The following PHKB variants were observed in gnomAD, a reference collection of about 807,000 sequenced individuals.
PHKB encodes phosphorylase b kinase regulatory subunit beta.
Under a neutral mutation model 152.1 loss-of-function variants are expected in PHKB, and 122 were observed. That is an observed-to-expected ratio of 0.80 (90% CI 0.69 to 0.93). The LOEUF is 0.93. Ranked by LOEUF, PHKB falls within the 40% of genes least tolerant of loss-of-function variation. The pLI is 0.00. For missense variants in PHKB, 1,304 were observed against 1,328.4 expected (o/e 0.98, Z 0.29); for synonymous variants, 436 against 464.9 (o/e 0.94, Z 0.80).
intron 7 of PHKB, among the ~76,000 whole-genome samples, chr16:47,560,061 T>C (rs188245537): frequency 6.6e-6 from 1 of 152,360 alleles, no homozygotes; most frequent in African/African-American, 2.4e-5. Context: ...AGCAGTGATA[T>C]GCTAGGCTGC....
chr16:47,547,091 C>T (rs944389970), intron 6 of PHKB, among the ~76,000 whole-genome samples: 1 of 152,206 alleles, frequency 6.6e-6, no homozygotes, highest in Non-Finnish European at 1.5e-5. Context: ...CCTGCTTCAG[C>T]TCGCCTTCCG....
At chr16:47,534,837 C>T (rs1037343028) in intron 6 of PHKB, among the ~76,000 whole-genome samples, 1 of 152,174 alleles carries the variant, frequency 6.6e-6, no homozygotes, top group Admixed American at 6.5e-5. Flanking sequence ...AAATGCATTA[C>T]TTTTGTCCAT....
chr16:47,604,896 C>G (rs1046721646), intron 13 of PHKB, among the ~76,000 whole-genome samples: 2 of 152,026 alleles, frequency 1.3e-5, no homozygotes, highest in Admixed American at 6.5e-5. Context: ...ATGTAGAAAG[C>G]CATTATCTCT....
chr16:47,563,787 ATTAT>A (rs1237027314), intron 7 of PHKB, among the ~76,000 whole-genome samples: 1 of 152,020 alleles, frequency 6.6e-6, no homozygotes, highest in Non-Finnish European at 1.5e-5. Context: ...TCAGTATGTA[ATTAT>A]TTATCCCTCA....
intron 26 of PHKB, among the ~76,000 whole-genome samples, chr16:47,684,244 G>T (rs1973919754): frequency 6.6e-6 from 1 of 150,974 alleles, no homozygotes; most frequent in Admixed American, 6.6e-5. Flanking sequence ...GAGGTGGGAG[G>T]ATTGCTTGAG....
rs186502047 is a variant in PHKB, at chr16:47,686,218, G to A, written c.2631-2823G>A. On this transcript the variant is annotated intron_variant, in intron 26 of 30. Transcript: ENST00000323584. ...TTAAGGTCTCCAGCTATCTTTGTGC[G>A]TGATACTAGGGATTTTAAAAGATAA... Among the ~76,000 whole-genome samples, 74 of 152,266 alleles carry A rather than the reference G, an allele frequency of 4.9e-4. No individual in the cohort carries two copies. In the East Asian group the frequency reaches 6.6e-3, roughly 13 times the overall value.
chr16:47,585,272 T>G (rs1336131636), intron 8 of PHKB, among the ~76,000 whole-genome samples: 2 of 152,194 alleles, frequency 1.3e-5, no homozygotes, highest in Non-Finnish European at 2.9e-5. Context: ...TGAAGTGACA[T>G]ATACATATAA....
chr16:47,574,911 C>A (rs998935812), intron 7 of PHKB, among the ~76,000 whole-genome samples: 3 of 152,188 alleles, frequency 2.0e-5, no homozygotes, highest in African/African-American at 7.2e-5. Flanking sequence ...CAGCTATATT[C>A]TTTTTATTTC....
intron 13 of PHKB, chr16:47,598,978 G>T (rs1182702605): frequency 1.7e-6 from 2 of 1,210,556 alleles, no homozygotes; most frequent in East Asian, 4.7e-5. Flanking sequence ...CACAAGGCCA[G>T]TGGTCTTCTT....
At chr16:47,640,215 T>C (rs1348870135) in intron 14 of PHKB, among the ~76,000 whole-genome samples, 1 of 152,184 alleles carries the variant, frequency 6.6e-6, no homozygotes, top group Non-Finnish European at 1.5e-5. Flanking sequence ...TGATGATAAA[T>C]CAAATATTTT....
intron 16 of PHKB, among the ~76,000 whole-genome samples, chr16:47,647,162 C>T (rs776687549): frequency 4.6e-5 from 7 of 151,974 alleles, no homozygotes; most frequent in Non-Finnish European, 1.0e-4. Context: ...TCTCTCTTGT[C>T]GCCCAGACTG....
intron 6 of PHKB, among the ~76,000 whole-genome samples, chr16:47,534,445 C>G (rs1970917576): frequency 6.6e-6 from 1 of 152,108 alleles, no homozygotes; most frequent in African/African-American, 2.4e-5. Flanking sequence ...TAGAGACATA[C>G]TAAAATTTCA....
At chr16:47,685,552 G>A (rs1054353258) in intron 26 of PHKB, among the ~76,000 whole-genome samples, 24 of 152,142 alleles carry the variant, frequency 1.6e-4, no homozygotes, top group Admixed American at 6.5e-5. Context: ...CCTACAAATG[G>A]ATAAAATGTC....
chr16:47,600,987 C>A (rs1464853716), intron 13 of PHKB, among the ~76,000 whole-genome samples: 1 of 152,134 alleles, frequency 6.6e-6, no homozygotes, highest in Non-Finnish European at 1.5e-5. Context: ...TGTGCCGCCA[C>A]GCCTGGCTAA....
chr16:47,516,674 G>T (rs767612142), intron 6 of PHKB, among the ~76,000 whole-genome samples: 1 of 152,124 alleles, frequency 6.6e-6, no homozygotes, highest in Admixed American at 6.5e-5. Flanking sequence ...ATAGGTGCAT[G>T]TAGCCCTGCC....
chr16:47,687,831 G>A (rs1005490232), intron 26 of PHKB, among the ~76,000 whole-genome samples: 1 of 152,162 alleles, frequency 6.6e-6, no homozygotes, highest in Admixed American at 6.5e-5. Context: ...CTGTCATAGA[G>A]CTTGATACAT....
chr16:47,478,399 A>T (rs1011605756), intron 1 of PHKB, among the ~76,000 whole-genome samples: 1 of 152,096 alleles, frequency 6.6e-6, no homozygotes, highest in Admixed American at 6.6e-5. Context: ...TTTTGGGGAA[A>T]ATTGTCATTA....
chr16:47,672,666 T>C (rs776877093), intron 26 of PHKB, among the ~76,000 whole-genome samples: 1 of 152,288 alleles, frequency 6.6e-6, no homozygotes, highest in Non-Finnish European at 1.5e-5. Flanking sequence ...GTTTTTCCTT[T>C]ACTGCTTATT....
chr16:47,547,839 A>AAGTCATTT, intron 7 of PHKB: 1 of 359,354 alleles, frequency 2.8e-6, no homozygotes, highest in Non-Finnish European at 5.2e-6. Flanking sequence ...CTGCTCAACC[A>AAGTCATTT]AGTCATTTTC....
Sources: gnomAD v4.1 joint callset for allele counts (sites outside exome capture counted in the v4.1 genomes callset) on GRCh38, gnomAD v4.1.1 for gene constraint, MANE v1.5 for transcripts, NCBI Gene and HGNC (gene_info 2026-07-23, HGNC 2026-07-21) for gene names.